TEX11: variants seen among roughly 807,000 people sequenced by gnomAD.
TEX11 encodes the protein testis expressed 11.
In TEX11, 7 loss-of-function variants were observed where a neutral mutation model predicts 84.4. The observed-to-expected ratio is 0.08, with a 90% confidence interval of 0.05 to 0.16. TEX11 has a LOEUF of 0.16. Ranked by LOEUF, TEX11 falls within the 10% of genes least tolerant of loss-of-function variation. The probability of loss-of-function intolerance (pLI) is 1.00; values close to 1 mark genes in which losing one functional copy is unlikely to be tolerated. For missense variants in TEX11, 551 were observed against 660.5 expected (o/e 0.83, Z 1.82); for synonymous variants, 264 against 222.8 (o/e 1.18, Z -1.64).
downstream of TEX11, among the ~76,000 whole-genome samples, chrX:70,526,666 T>G (rs2087826744): frequency 8.9e-6 from 1 of 111,878 alleles, no homozygotes; most frequent in Non-Finnish European, 1.9e-5. Context: ...TCTATACGTA[T>G]GTACACATAC....
At chrX:70,820,002 A>T (rs1010034621) in intron 8 of TEX11, among the ~76,000 whole-genome samples, 35 of 112,052 alleles carry the variant, frequency 3.1e-4, no homozygotes, top group Non-Finnish European at 5.6e-4. Context: ...ACCTAAAATG[A>T]TCTACAGATT....
chrX:70,539,038 A>ATATATATATATATAT, intron 28 of TEX11, among the ~76,000 whole-genome samples: 78 of 41,243 alleles, frequency 1.9e-3, no homozygotes, highest in Non-Finnish European at 2.9e-3. Context: ...ATATATATAT[A>ATATATATATATATAT]TTTTTTTTTT....
chrX:70,561,370 A>T (rs1437431901), intron 25 of TEX11, among the ~76,000 whole-genome samples: 1 of 101,369 alleles, frequency 9.9e-6, no homozygotes, highest in Non-Finnish European at 2.0e-5. Context: ...ACCTGTATCC[A>T]ACAACCATAT....
intron 11 of TEX11, among the ~76,000 whole-genome samples, chrX:70,735,523 T>G (rs1243462366): frequency 8.9e-6 from 1 of 112,206 alleles, no homozygotes; most frequent in Admixed American, 9.5e-5. Flanking sequence ...TAATTCCATT[T>G]ATAAAAGCAT....
chrX:70,840,821 G>T (rs1027046276), intron 7 of TEX11, among the ~76,000 whole-genome samples: 2 of 111,355 alleles, frequency 1.8e-5, no homozygotes, highest in African/African-American at 6.5e-5. Context: ...AAAGGCAGGG[G>T]TTGCAATCCT....
At chrX:70,578,657 C>A (rs1006518464) in intron 25 of TEX11, among the ~76,000 whole-genome samples, 2 of 109,314 alleles carry the variant, frequency 1.8e-5, no homozygotes, top group South Asian at 4.0e-4. Flanking sequence ...TAAGTTATAT[C>A]ATAAAGTTTC....
At chrX:70,568,723 G>T (rs965109870) in intron 25 of TEX11, among the ~76,000 whole-genome samples, 2 of 111,519 alleles carry the variant, frequency 1.8e-5, no homozygotes, top group African/African-American at 6.5e-5. Context: ...TAAGAATGTT[G>T]AATATTGGCC....
At chrX:70,565,029 A>G (rs1187929969) in intron 25 of TEX11, among the ~76,000 whole-genome samples, 6 of 105,942 alleles carry the variant, frequency 5.7e-5, no homozygotes, top group Non-Finnish European at 9.8e-5. Context: ...CAACAGTGTA[A>G]AAGTGTTCCT....
chrX:70,751,413 C>G (rs1274886557), intron 9 of TEX11, among the ~76,000 whole-genome samples: 8 of 94,997 alleles, frequency 8.4e-5, no homozygotes, highest in South Asian at 5.5e-4. Context: ...TGTTCTCACT[C>G]ATAGGTGGGA....
chrX:70,863,661 T>C (rs2091582440), intron 4 of TEX11, among the ~76,000 whole-genome samples: 1 of 111,596 alleles, frequency 9.0e-6, no homozygotes, highest in African/African-American at 3.3e-5. Flanking sequence ...AAAACCAGAA[T>C]GCCTCTTCCC....
intron 2 of TEX11, among the ~76,000 whole-genome samples, chrX:70,883,303 G>T (rs2091692644): frequency 8.9e-6 from 1 of 111,783 alleles, no homozygotes; most frequent in African/African-American, 3.3e-5. Flanking sequence ...GCAGTCTACA[G>T]CTGGGCAAAG....
chrX:70,703,077 C>A (rs754345705), intron 13 of TEX11, among the ~76,000 whole-genome samples: 9 of 110,945 alleles, frequency 8.1e-5, no homozygotes, highest in African/African-American at 2.9e-4. Context: ...ACTTTGATAT[C>A]TCTATTTTTA....
At chrX:70,894,919 C>T (rs1357118254) in intron 2 of TEX11, among the ~76,000 whole-genome samples, 1 of 111,673 alleles carries the variant, frequency 9.0e-6, no homozygotes, top group Admixed American at 9.6e-5. Flanking sequence ...AACCCACAGT[C>T]AATATCATAC....
chrX:70,753,054 C>G (rs761979985), intron 9 of TEX11, among the ~76,000 whole-genome samples: 96 of 110,298 alleles, frequency 8.7e-4, no homozygotes, highest in African/African-American at 2.9e-3. Context: ...GCAGTCAGAC[C>G]TTGAGATCCC....
At chrX:70,782,074 T>G (rs1259238490) in intron 9 of TEX11, among the ~76,000 whole-genome samples, 1 of 111,712 alleles carries the variant, frequency 9.0e-6, no homozygotes, top group African/African-American at 3.3e-5. Flanking sequence ...GAAAGAAAGG[T>G]TGGGTTACCC....
At chrX:70,570,500 G>A (rs7882490) in intron 25 of TEX11, among the ~76,000 whole-genome samples, 14,258 of 111,742 alleles carry the variant, frequency 0.13, 730 homozygotes, top group Middle Eastern at 0.19. Context: ...CTTCTGCGTC[G>A]CTCACGCTGG....
intron 13 of TEX11, among the ~76,000 whole-genome samples, chrX:70,684,873 G>T (rs1157154888): frequency 9.0e-6 from 1 of 111,253 alleles, no homozygotes; most frequent in African/African-American, 3.3e-5. Flanking sequence ...CAAAATTGGA[G>T]GCATCACGCT....
intron 11 of TEX11, among the ~76,000 whole-genome samples, chrX:70,728,768 A>G (rs1428940749): frequency 1.1e-5 from 1 of 94,957 alleles, no homozygotes; most frequent in Non-Finnish European, 2.1e-5. Context: ...GGCAGCAAAA[A>G]CTTCTGCAGA....
rs1323502023 is a variant in TEX11, at chrX:70,529,077, A to G, written c.*18T>C. Reference sequence around the variant, plus strand: ...CATCTCGGGACAATGTATCTTCTTCATGTGGCCATGAGCTTGCCTAATCTG... The same window carrying G: ...CATCTCGGGACAATGTATCTTCTTCGTGTGGCCATGAGCTTGCCTAATCTG... On this transcript the variant is annotated 3_prime_UTR_variant, in exon 30 of 30. Transcript: ENST00000374333. 8.5e-7 allele frequency: 1 copy of G among 1,176,966 alleles called. No individual in the cohort carries two copies. The highest frequency in any genetic ancestry group is 3.0e-5 in the East Asian group (1 of 33,702).
Sources: gnomAD v4.1 joint callset for allele counts (sites outside exome capture counted in the v4.1 genomes callset) on GRCh38, gnomAD v4.1.1 for gene constraint, MANE v1.5 for transcripts, NCBI Gene and HGNC (gene_info 2026-07-23, HGNC 2026-07-21) for gene names.